Variants in ADGRV1 observed in about 807,000 individuals in gnomAD.
ADGRV1 encodes adhesion G protein-coupled receptor V1.
ADGRV1 carries 359 observed loss-of-function variants against 596.2 expected under a neutral mutation model. The ratio of observed to expected loss-of-function variants is 0.60; its 90% confidence interval spans 0.55 to 0.66. The LOEUF is 0.66. Ranked by LOEUF, ADGRV1 falls within the 30% of genes least tolerant of loss-of-function variation. The pLI, the probability that ADGRV1 is intolerant of heterozygous loss-of-function variation, is 0.00. For synonymous variants in ADGRV1, 2,681 were observed against 2,679.2 expected, an observed-to-expected ratio of 1.00 and a Z score of -0.02; for missense variants, 7,274 against 7,575.6, an observed-to-expected ratio of 0.96 and a Z score of 1.48.
At chr5:91,151,584 C>G (rs1796062720) in intron 88 of ADGRV1, among the ~76,000 whole-genome samples, 1 of 152,120 alleles carries the variant, frequency 6.6e-6, no homozygotes, top group African/African-American at 2.4e-5. Flanking sequence ...TTTTTAGGAT[C>G]AAGAATTCAG....
chr5:91,108,844 A>C (rs1792122075), intron 87 of ADGRV1, among the ~76,000 whole-genome samples: 1 of 151,926 alleles, frequency 6.6e-6, no homozygotes, highest in South Asian at 2.1e-4. Context: ...TGATCCTCCC[A>C]CCTCAGCCTC....
At chr5:90,805,505 A>G in intron 72 of ADGRV1, 47 bp downstream of exon 72, 1 of 1,432,820 alleles carries the variant, frequency 7.0e-7, no homozygotes, top group Non-Finnish European at 9.5e-7. Flanking sequence ...TATTGGAAGG[A>G]TATCACTGGC....
intron 87 of ADGRV1, among the ~76,000 whole-genome samples, chr5:91,143,013 GTGAA>G (rs1795224525): frequency 6.6e-6 from 1 of 152,200 alleles, no homozygotes. Flanking sequence ...CGAGGGGTGT[GTGAA>G]TGAGCAAGTA....
At chr5:91,109,361 A>C (rs891085445) in intron 87 of ADGRV1, among the ~76,000 whole-genome samples, 1 of 152,198 alleles carries the variant, frequency 6.6e-6, no homozygotes, top group East Asian at 1.9e-4. Flanking sequence ...TAGCTACTAT[A>C]TAACATGTGA....
chr5:91,080,899 T>A, intron 86 of ADGRV1, among the ~76,000 whole-genome samples: 1 of 152,210 alleles, frequency 6.6e-6, no homozygotes, highest in African/African-American at 2.4e-5. Context: ...TGGTACAGAA[T>A]GCAGTCAGAT....
intron 85 of ADGRV1, among the ~76,000 whole-genome samples, chr5:91,065,769 G>A (rs1020186614): frequency 6.6e-6 from 1 of 152,182 alleles, no homozygotes; most frequent in East Asian, 1.9e-4. Context: ...TAGAAAGTGA[G>A]TTAAAGCATT....
Position 90,694,069 on chromosome 5 carries a change from C to A in ADGRV1, c.7313C>A (p.Thr2438Asn). The A allele has an allele frequency of 6.2e-7, 1 of 1,613,770 alleles. No homozygotes were observed. The highest frequency in any genetic ancestry group is 8.5e-7 in the Non-Finnish European group (1 of 1,179,844). The change falls in exon 33 of 90, where the codon ACC (threonine) becomes AAC (asparagine). Residue 2438 changes from threonine to asparagine, a missense_variant. Thr to Asn is a moderately conservative substitution (Grantham distance 65, BLOSUM62 0). Coordinates refer to ENST00000405460, the MANE Select transcript of ADGRV1 (RefSeq NM_032119.4). ...NVSAVGEPLY[T>N]CATLCLKEQA... Reference sequence around the variant, plus strand: ...TCTGCCGTGGGGGAGCCCCTGTATACCTGTGCCACTTTGTGCCTTAAGGAA... The same window carrying A: ...TCTGCCGTGGGGGAGCCCCTGTATAACTGTGCCACTTTGTGCCTTAAGGAA...
intron 62 of ADGRV1, 22 bp from the exon 63 acceptor site, chr5:90,778,405 A>T: frequency 4.4e-6 from 7 of 1,605,424 alleles, no homozygotes; most frequent in Non-Finnish European, 6.0e-6. Context: ...TCTACTGTTG[A>T]TGACTCTTTG....
At position 90,750,533 on chromosome 5, in the gene ADGRV1, TTC is replaced by T; in HGVS notation, c.10975-16_10975-15del. On this transcript the variant is annotated splice_polypyrimidine_tract_variant and intron_variant, in intron 52 of 89. Transcript: ENST00000405460. ...TAATTTCAGGGAACCCCTTGTGACT[TTC>T]TGTGTATTTTTTCAGAATTCATTAT... The T allele has an allele frequency of 6.3e-7, 1 of 1,586,704 alleles. No homozygotes were observed. Among genetic ancestry groups the T allele is most frequent in the Non-Finnish European group, 8.6e-7 (1 of 1,164,148 alleles).
chr5:90,713,209 A>G (rs916249788), intron 42 of ADGRV1, among the ~76,000 whole-genome samples: 1 of 152,096 alleles, frequency 6.6e-6, no homozygotes, highest in Non-Finnish European at 1.5e-5. Flanking sequence ...GCATTCCTGA[A>G]TTATTGGCCT....
intron 21 of ADGRV1, among the ~76,000 whole-genome samples, chr5:90,658,951 T>A (rs1401187889): frequency 3.9e-5 from 6 of 152,202 alleles, no homozygotes; most frequent in Admixed American, 6.5e-5. Context: ...CAAGAGTCTT[T>A]CTTTTTGCAA....
In ADGRV1 at chr5:90,788,115, G is replaced by A. The variant is rs757368218; in HGVS notation, c.13698G>A (p.Leu4566=). 6.2e-7 allele frequency: 1 copy of A among 1,613,422 alleles called. No homozygotes were observed. The highest frequency in any genetic ancestry group is 8.5e-7 in the Non-Finnish European group (1 of 1,179,564). The change falls in exon 68 of 90, where the codon CTG becomes CTA. Residue 4566 remains leucine, a synonymous_variant. Transcript: ENST00000405460. ...GACCCAACTCTCAAGAAGCCTTACT[G>A]CCACAGAATAGAGACATTGCAGACC... ...TVGPNSQEAL[L]PQNRDIADPV...
chr5:91,103,034 A>G (rs1230540448), intron 87 of ADGRV1, among the ~76,000 whole-genome samples: 2 of 152,228 alleles, frequency 1.3e-5, no homozygotes, highest in South Asian at 4.1e-4. Context: ...TTATTAAATT[A>G]TCTCTAAATA....
intron 1 of ADGRV1, 82 bp downstream of exon 1, chr5:90,558,999 G>C: frequency 1.5e-6 from 2 of 1,304,584 alleles, no homozygotes; most frequent in Non-Finnish European, 2.1e-6. Context: ...GTTGCTGCAG[G>C]TGGGCGGCGA....
chr5:90,599,470 T>C (rs1332714988), intron 1 of ADGRV1, among the ~76,000 whole-genome samples: 1 of 152,180 alleles, frequency 6.6e-6, no homozygotes, highest in Non-Finnish European at 1.5e-5. Context: ...GGAGTTAGTG[T>C]TACTTCTAGA....
At chr5:91,052,216 G>A (rs1449119973) in intron 85 of ADGRV1, among the ~76,000 whole-genome samples, 1 of 151,564 alleles carries the variant, frequency 6.6e-6, no homozygotes, top group African/African-American at 2.4e-5. Context: ...ATTGAAGAAA[G>A]GGAGCTACAA....
intron 84 of ADGRV1, among the ~76,000 whole-genome samples, chr5:90,969,121 C>G (rs1778729842): frequency 6.6e-6 from 1 of 152,150 alleles, no homozygotes; most frequent in East Asian, 1.9e-4. Flanking sequence ...GTTACATAAC[C>G]TCTCTGAGCC....
In ADGRV1 at chr5:91,036,494, G is replaced by A. The variant is rs1477360445; in HGVS notation, c.18153-35953G>A. On this transcript the variant is annotated intron_variant, in intron 85 of 89. Transcript: ENST00000405460. ...GGAGAATGGCGTGAACCCGGGAGGC[G>A]GAGCTTGCAGTGAGCTGAGATCGCG... 3.3e-5 allele frequency among the ~76,000 whole-genome samples: 5 copies of A among 151,810 alleles called. No homozygotes were observed. In the East Asian group the frequency reaches 7.7e-4, roughly 23 times the overall value.
At chr5:90,798,787 A>G (rs1761029034) in intron 70 of ADGRV1, among the ~76,000 whole-genome samples, 1 of 152,220 alleles carries the variant, frequency 6.6e-6, no homozygotes, top group African/African-American at 2.4e-5. Context: ...CAAATCATTA[A>G]AAGTAATCCA....
Sources: allele counts gnomAD v4.1 joint callset (sites outside exome capture counted in the v4.1 genomes callset), GRCh38; gene constraint gnomAD v4.1.1; transcripts MANE v1.5; gene names NCBI Gene and HGNC (gene_info 2026-07-23, HGNC 2026-07-21).